Variants in YEATS2 observed in about 807,000 individuals in gnomAD.
The protein encoded by YEATS2 is YEATS domain containing 2.
In YEATS2, 77 loss-of-function variants were observed where a neutral mutation model predicts 163.2. That is an observed-to-expected ratio of 0.47 (90% CI 0.39 to 0.57). The LOEUF (loss-of-function observed/expected upper bound fraction) is 0.57, where lower values mean the gene tolerates loss of function less well. YEATS2 is among the 20% of genes least tolerant of loss of function. YEATS2 has a pLI of 0.00. For missense variants in YEATS2, 1,549 were observed against 1,729.8 expected (o/e 0.90, Z 1.85); for synonymous variants, 631 against 645.1 (o/e 0.98, Z 0.33).
In YEATS2 at chr3:183,808,096, A is replaced by G; in HGVS notation, c.4078A>G (p.Ile1360Val). The change falls in exon 29 of 31, where the codon ATC becomes GTC. Residue 1360 changes from isoleucine to valine, a missense_variant. Transcript: ENST00000305135. ...NVYASVVEDM[I>V]LKATEQLVND... Reference sequence around the variant, plus strand: ...GTATGCGTCCGTGGTGGAGGACATGATCCTGAAGGTGGGTGCCTGCAGGGG... The same window carrying G: ...GTATGCGTCCGTGGTGGAGGACATGGTCCTGAAGGTGGGTGCCTGCAGGGG... 6.4e-7 allele frequency: 1 copy of G among 1,554,022 alleles called. No homozygotes were observed. Among genetic ancestry groups the G allele is most frequent in the Non-Finnish European group, 8.7e-7 (1 of 1,147,980 alleles).
chr3:183,718,836 A>G (rs375512418), intron 4 of YEATS2, among the ~76,000 whole-genome samples: 48 of 152,302 alleles, frequency 3.2e-4, no homozygotes, highest in African/African-American at 1.1e-3. Context: ...CTGGGATTAC[A>G]GGCGTGTGCC....
chr3:183,794,935 CA>C (rs1238394617), intron 21 of YEATS2, among the ~76,000 whole-genome samples: 1 of 151,302 alleles, frequency 6.6e-6, no homozygotes, highest in African/African-American at 2.4e-5. Flanking sequence ...TTTGGGAGGC[CA>C]ACGCAGGCAG....
In YEATS2 at chr3:183,701,539, A is replaced by T. The variant is rs377235284; in HGVS notation, c.-20+3546A>T. ...GTAGGTGGGACTACAGGTACACACC[A>T]CCATGCCCAGCTAATTTTTTTCTTT... is the stretch of plus-strand genomic sequence containing the variant. On this transcript the variant is annotated intron_variant, in intron 1 of 30. Transcript: ENST00000305135. Among the ~76,000 whole-genome samples the T allele has an allele frequency of 7.9e-5, 12 of 152,064 alleles. No homozygotes were observed. The East Asian group carries it at 9.7e-4, about 12-fold the overall frequency.
intron 21 of YEATS2, among the ~76,000 whole-genome samples, chr3:183,795,969 C>G (rs1224587215): frequency 1.4e-5 from 2 of 140,114 alleles, no homozygotes; most frequent in Non-Finnish European, 3.0e-5. Context: ...ATCTTTAGCT[C>G]TTGATGCTGG....
At chr3:183,759,477 T>A (rs1288316428) in intron 13 of YEATS2, among the ~76,000 whole-genome samples, 2 of 152,244 alleles carry the variant, frequency 1.3e-5, no homozygotes, top group Non-Finnish European at 2.9e-5. Context: ...TCTTCCCTTT[T>A]GGACACCTCT....
intron 10 of YEATS2, among the ~76,000 whole-genome samples, chr3:183,752,602 G>A (rs565397131): frequency 2.1e-3 from 312 of 150,886 alleles, no homozygotes; most frequent in African/African-American, 7.3e-3. Flanking sequence ...CCAGCTACTC[G>A]GGAGGCTGAG....
intron 1 of YEATS2, among the ~76,000 whole-genome samples, chr3:183,714,359 C>CT (rs201822288): frequency 0.11 from 16,405 of 147,132 alleles, 1,228 homozygotes; most frequent in Non-Finnish European, 0.16. Flanking sequence ...CCATGCCCGT[C>CT]TTTTTTTTTT....
chr3:183,777,195 C>T (rs947511819), intron 18 of YEATS2, among the ~76,000 whole-genome samples: 1 of 152,156 alleles, frequency 6.6e-6, no homozygotes, highest in Non-Finnish European at 1.5e-5. Flanking sequence ...GAAGTCTTGG[C>T]TCTTTTTGAA....
Position 183,759,861 on chromosome 3 carries a change from T to TA in YEATS2, c.1656+898dup, listed in dbSNP as rs1347442207. ...GGTTTATCCAGACGTAACCCCATCC[T>TA]AAGTCGGGGAGCATCAGTGTTTCCT... On this transcript the variant is annotated intron_variant, in intron 13 of 30. Transcript: ENST00000305135. 4.6e-5 allele frequency among the ~76,000 whole-genome samples: 7 copies of TA among 152,366 alleles called. No individual in the cohort carries two copies. The South Asian group carries it at 1.4e-3, about 32-fold the overall frequency.
intron 18 of YEATS2, among the ~76,000 whole-genome samples, chr3:183,776,921 C>T (rs1319807597): frequency 6.7e-6 from 1 of 150,128 alleles, no homozygotes; most frequent in Non-Finnish European, 1.5e-5. Context: ...CATGGTACTC[C>T]AGCCTGGGGG....
chr3:183,787,998 A>G (rs1724229668), intron 20 of YEATS2, among the ~76,000 whole-genome samples: 2 of 152,138 alleles, frequency 1.3e-5, no homozygotes, highest in African/African-American at 4.8e-5. Flanking sequence ...GCGAGATTCC[A>G]TCTCAAAAAA....
At chr3:183,736,408 T>C (rs1718347328) in intron 7 of YEATS2, among the ~76,000 whole-genome samples, 1 of 152,228 alleles carries the variant, frequency 6.6e-6, no homozygotes, top group Non-Finnish European at 1.5e-5. Context: ...AGATCCTCGC[T>C]CTCTAGTGAC....
At chr3:183,699,384 G>A (rs900375138) in intron 1 of YEATS2, among the ~76,000 whole-genome samples, 2 of 151,722 alleles carry the variant, frequency 1.3e-5, no homozygotes, top group Non-Finnish European at 2.9e-5. Flanking sequence ...TAGAGGGCTG[G>A]AACTCAAGGA....
intron 27 of YEATS2, chr3:183,806,455 T>A: frequency 2.2e-6 from 1 of 457,252 alleles, no homozygotes; most frequent in Non-Finnish European, 4.4e-6. Context: ...TACATTGAAA[T>A]GTTAACAGTC....
In YEATS2 at chr3:183,806,853, G is replaced by C; in HGVS notation, c.3785-13G>C. 1 of 1,613,816 alleles carries C rather than the reference G, an allele frequency of 6.2e-7. No homozygotes were observed. The stretch of plus-strand genomic sequence containing the variant: ...CCCCACAGCTGTTGTAACACTGCTT[G>C]CCTGTCATTTAGAGTGCCCATCATC... On this transcript the variant is annotated splice_polypyrimidine_tract_variant and intron_variant, in intron 27 of 30. Coordinates refer to ENST00000305135, the MANE Select transcript of YEATS2 (RefSeq NM_018023.5).
intron 18 of YEATS2, among the ~76,000 whole-genome samples, chr3:183,776,558 T>G (rs1420498502): frequency 6.6e-6 from 1 of 151,936 alleles, no homozygotes; most frequent in Admixed American, 6.6e-5. Flanking sequence ...AAAAAAAAAC[T>G]ATGTGTTTTT....
intron 15 of YEATS2, among the ~76,000 whole-genome samples, chr3:183,767,871 T>A (rs1314692559): frequency 6.6e-6 from 1 of 152,110 alleles, no homozygotes; most frequent in African/African-American, 2.4e-5. Context: ...TCCTGAAAAC[T>A]CTGAAGCACT....
intron 8 of YEATS2, among the ~76,000 whole-genome samples, chr3:183,737,455 G>A (rs1227331713): frequency 1.3e-5 from 2 of 152,176 alleles, no homozygotes; most frequent in Non-Finnish European, 2.9e-5. Flanking sequence ...CACTTTAGAG[G>A]ACAATGCATA....
chr3:183,808,038 C>T lies in YEATS2; in HGVS notation c.4020C>T (p.Ile1340=). The T allele has an allele frequency of 1.3e-6, 2 of 1,561,182 alleles. No homozygotes were observed. Among genetic ancestry groups the T allele is most frequent in the Non-Finnish European group, 1.7e-6 (2 of 1,151,884 alleles). The change falls in exon 29 of 31, where the codon ATC becomes ATT. Residue 1340 remains isoleucine (I), a synonymous_variant. Transcript: ENST00000305135. Reference sequence around the variant, plus strand: ...TTCTTCTGCTTTTCCAGATTGGGATCACCCTGCAGCCCGTGGCACTCCACA... The same window carrying T: ...TTCTTCTGCTTTTCCAGATTGGGATTACCCTGCAGCCCGTGGCACTCCACA... ...FIGDVTQKIG[I]TLQPVALHRN...
Sources: allele counts gnomAD v4.1 joint callset (sites outside exome capture counted in the v4.1 genomes callset), GRCh38; gene constraint gnomAD v4.1.1; transcripts MANE v1.5; gene names NCBI Gene and HGNC (gene_info 2026-07-23, HGNC 2026-07-21).